The following FGF13 variants were observed in gnomAD, a reference collection of about 807,000 sequenced individuals.
FGF13 encodes fibroblast growth factor 13.
A neutral mutation model predicts 19.5 loss-of-function variants in FGF13; 2 were observed. The observed-to-expected ratio is 0.10, with a 90% CI of 0.04 to 0.32. FGF13 has a LOEUF of 0.32. Among genes scored for constraint, FGF13 ranks in the 10% least tolerant of loss-of-function variants. FGF13 has a pLI of 1.00. For missense variants in FGF13, 113 were observed against 192.7 expected (o/e 0.59, Z 2.45); for synonymous variants, 72 against 76.9 (o/e 0.94, Z 0.33).
chrX:139,065,766 G>A (rs528732111), intron 1 of FGF13, among the ~76,000 whole-genome samples: 5 of 111,113 alleles, frequency 4.5e-5, no homozygotes, highest in African/African-American at 1.6e-4. Context: ...AGATCAACGA[G>A]ACAGAAAATT....
intron 1 of FGF13, among the ~76,000 whole-genome samples, chrX:139,089,410 T>C (rs1020964494): frequency 6.2e-5 from 7 of 112,665 alleles, no homozygotes; most frequent in Admixed American, 1.9e-4. Flanking sequence ...CATAACTTTC[T>C]TGTGGCCACA....
chrX:139,166,479 G>A (rs1405453870), intron 1 of FGF13, among the ~76,000 whole-genome samples: 2 of 111,623 alleles, frequency 1.8e-5, no homozygotes, highest in Non-Finnish European at 3.8e-5. Context: ...GTGTGAGAAT[G>A]GACTAATATA....
At chrX:139,110,638 T>G (rs1362467598) in intron 1 of FGF13, among the ~76,000 whole-genome samples, 2 of 111,962 alleles carry the variant, frequency 1.8e-5, no homozygotes, top group Non-Finnish European at 3.8e-5. Flanking sequence ...ATCAGCAGCA[T>G]GAAAATGGAC....
intron 1 of FGF13, among the ~76,000 whole-genome samples, chrX:139,042,281 G>A (rs2092272347): frequency 8.9e-6 from 1 of 112,093 alleles, no homozygotes; most frequent in African/African-American, 3.3e-5. Context: ...CAATGATACG[G>A]AACATGGGTT....
In FGF13 at chrX:138,626,255, C is replaced by T. The variant is rs1184604698; in HGVS notation, c.*6595G>A. On this transcript the variant is annotated 3_prime_UTR_variant, in exon 5 of 5. Transcript: ENST00000315930. The stretch of plus-strand genomic sequence containing the variant: ...TCACTTGCATACCAGGGGCTCTGCC[C>T]CTCATTGTCCAGCTACACTAGGCTA... 1 of 111,742 alleles carries T rather than the reference C, an allele frequency of 8.9e-6. No homozygotes were observed. Among genetic ancestry groups the T allele is most frequent in the African/African-American group, 3.3e-5 (1 of 30,679 alleles). The allele number at this position is 111,742 out of a possible 1,213,427, so 9.2% of individuals were successfully genotyped here.
At chrX:138,809,979 G>C (rs1459079332) in intron 3 of FGF13, among the ~76,000 whole-genome samples, 1 of 111,660 alleles carries the variant, frequency 9.0e-6, no homozygotes, top group Non-Finnish European at 1.9e-5. Flanking sequence ...CCATGCTCAT[G>C]GATAGGAAGA....
rs2088990549 is a variant in FGF13, at chrX:138,618,834, AGAT to A, written c.*14013_*14015del. ...TGGTTTTATGAAATTAAGAAAATAC[AGAT>A]GATCTTAAAATTTCTCAAAAAGAGC... On this transcript the variant is annotated 3_prime_UTR_variant, in exon 5 of 5. Transcript: ENST00000315930. 2 of 112,063 alleles carry A rather than the reference AGAT, an allele frequency of 1.8e-5. No homozygotes were observed. Among genetic ancestry groups the A allele is most frequent in the African/African-American group, 6.5e-5 (2 of 30,843 alleles). 9.2% of individuals were successfully genotyped at this position (112,063 alleles called of 1,213,427 possible).
chrX:138,750,737 C>G (rs12388630), intron 3 of FGF13, among the ~76,000 whole-genome samples: 1,379 of 110,753 alleles, frequency 0.012, 20 homozygotes, highest in African/African-American at 0.041. Flanking sequence ...AAGTAGTAAG[C>G]CTGGAATATG....
chrX:138,692,282 G>A (rs923475558), intron 3 of FGF13, among the ~76,000 whole-genome samples: 1 of 111,006 alleles, frequency 9.0e-6, no homozygotes, highest in South Asian at 3.8e-4. Flanking sequence ...TGACTAAGGG[G>A]GAAGTAGAGA....
At chrX:139,058,398 T>C (rs1045907712) in intron 1 of FGF13, among the ~76,000 whole-genome samples, 1 of 112,216 alleles carries the variant, frequency 8.9e-6, no homozygotes, top group African/African-American at 3.2e-5. Flanking sequence ...CATCTGTCTG[T>C]TCTGTCTGTT....
At chrX:138,869,231 G>C (rs1165289182) in intron 1 of FGF13, among the ~76,000 whole-genome samples, 2 of 112,024 alleles carry the variant, frequency 1.8e-5, no homozygotes, top group Admixed American at 9.5e-5. Flanking sequence ...ATTCACTCAA[G>C]TACATTAACA....
chrX:138,824,384 A>T (rs1055275846), intron 3 of FGF13, among the ~76,000 whole-genome samples: 3 of 111,690 alleles, frequency 2.7e-5, no homozygotes, highest in Non-Finnish European at 5.6e-5. Flanking sequence ...AATAAGATAC[A>T]TGACTGAATG....
rs959739139 is a variant in FGF13, at chrX:139,125,870, G to A, written c.-113+77546C>T. Among the ~76,000 whole-genome samples, 23 of 111,360 alleles carry A rather than the reference G, an allele frequency of 2.1e-4. No individual in the cohort carries two copies. In the Admixed American group the frequency reaches 2.2e-3, roughly 11 times the overall value. The stretch of plus-strand genomic sequence containing the variant: ...TCTAGATTCTCACAGCTCAGTCCAT[G>A]CCCATCTACTGCAGCTCACCTACAT... On this transcript the variant is annotated intron_variant, in intron 1 of 2. Transcript: ENST00000421460.
chrX:138,955,385 G>A (rs1057173819), intron 1 of FGF13, among the ~76,000 whole-genome samples: 3 of 112,286 alleles, frequency 2.7e-5, no homozygotes, highest in Non-Finnish European at 5.6e-5. Flanking sequence ...AGAATACAGA[G>A]TCTTCTGTGG....
chrX:138,938,855 A>G (rs1387042722), intron 1 of FGF13, among the ~76,000 whole-genome samples: 3 of 111,487 alleles, frequency 2.7e-5, no homozygotes, highest in East Asian at 2.8e-4. Context: ...CCCTAAACCT[A>G]GATGCTTAGG....
At chrX:139,066,770 A>G (rs2124428289) in intron 1 of FGF13, among the ~76,000 whole-genome samples, 1 of 110,521 alleles carries the variant, frequency 9.0e-6, no homozygotes, top group Admixed American at 9.7e-5. Context: ...TTCCTAAATC[A>G]TTTTATGAGG....
chrX:138,900,065 A>G (rs1203845841), intron 1 of FGF13, among the ~76,000 whole-genome samples: 2 of 111,762 alleles, frequency 1.8e-5, no homozygotes, highest in Non-Finnish European at 3.8e-5. Context: ...AATTAAAGCT[A>G]AAAATGATGA....
At chrX:138,871,854 G>A (rs2091359188) in intron 1 of FGF13, among the ~76,000 whole-genome samples, 1 of 112,067 alleles carries the variant, frequency 8.9e-6, no homozygotes, top group Admixed American at 9.5e-5. Context: ...AGGGTAAAAG[G>A]AAGTCTGCTC....
intron 3 of FGF13, among the ~76,000 whole-genome samples, chrX:138,811,944 CTTT>C (rs199549120): frequency 9.7e-6 from 1 of 103,516 alleles, no homozygotes. Context: ...CAACCACTTT[CTTT>C]TTTTTTTTTA....
Sources: allele counts gnomAD v4.1 joint callset (sites outside exome capture counted in the v4.1 genomes callset), GRCh38; gene constraint gnomAD v4.1.1; transcripts MANE v1.5; gene names NCBI Gene and HGNC (gene_info 2026-07-23, HGNC 2026-07-21).